IL1RAPL1: variants seen among roughly 807,000 people sequenced by gnomAD.
IL1RAPL1 encodes the protein interleukin-1 receptor accessory protein-like 1.
In IL1RAPL1, 3 loss-of-function variants were observed where a neutral mutation model predicts 48.4. The observed-to-expected ratio is 0.06, with a 90% confidence interval of 0.03 to 0.16. The LOEUF (loss-of-function observed/expected upper bound fraction) is 0.16, where lower values mean the gene tolerates loss of function less well. Among genes scored for constraint, IL1RAPL1 ranks in the 10% least tolerant of loss-of-function variants. IL1RAPL1 has a pLI of 1.00. For missense variants in IL1RAPL1, 349 were observed against 530.6 expected (o/e 0.66, Z 3.36); for synonymous variants, 185 against 187.7 (o/e 0.99, Z 0.12).
intron 2 of IL1RAPL1, among the ~76,000 whole-genome samples, chrX:28,994,005 T>C (rs747968874): frequency 7.3e-4 from 81 of 111,181 alleles, no homozygotes; most frequent in African/African-American, 2.6e-3. Context: ...ACTGAACAAA[T>C]AGGCTGAAAT....
chrX:29,615,262 C>A (rs777183702), intron 5 of IL1RAPL1, among the ~76,000 whole-genome samples: 18 of 112,001 alleles, frequency 1.6e-4, no homozygotes, highest in African/African-American at 5.8e-4. Context: ...TGTAGTGTGG[C>A]CTGGCCTAAT....
intron 6 of IL1RAPL1, among the ~76,000 whole-genome samples, chrX:29,895,297 T>C (rs1215658371): frequency 9.0e-6 from 1 of 110,620 alleles, no homozygotes. Context: ...ATGCCTGTAA[T>C]CCCAACACTT....
chrX:28,642,477 T>A (rs1186827001), intron 1 of IL1RAPL1, among the ~76,000 whole-genome samples: 1 of 111,894 alleles, frequency 8.9e-6, no homozygotes, highest in East Asian at 2.8e-4. Context: ...CACAGTGCAA[T>A]CAAATTAGAA....
At chrX:28,654,700 A>G (rs766562783) in intron 1 of IL1RAPL1, among the ~76,000 whole-genome samples, 43 of 112,087 alleles carry the variant, frequency 3.8e-4, no homozygotes, top group Middle Eastern at 4.7e-3. Flanking sequence ...TTGTTCAGCA[A>G]CTACTATGTG....
chrX:28,866,732 A>G (rs1922086095), intron 2 of IL1RAPL1, among the ~76,000 whole-genome samples: 1 of 111,482 alleles, frequency 9.0e-6, no homozygotes, highest in Admixed American at 9.6e-5. Context: ...ATGGACAGAA[A>G]AATAAACACA....
At chrX:28,790,125 G>A (rs1936519251) in intron 2 of IL1RAPL1, among the ~76,000 whole-genome samples, 1 of 112,013 alleles carries the variant, frequency 8.9e-6, no homozygotes, top group African/African-American at 3.2e-5. Flanking sequence ...ATAATATAAA[G>A]CCTTGCCATG....
intron 9 of IL1RAPL1, among the ~76,000 whole-genome samples, chrX:29,942,386 CAAAT>C (rs199675946): frequency 0.036 from 4,026 of 111,537 alleles, 62 homozygotes; most frequent in Non-Finnish European, 0.052. Flanking sequence ...TGTACGTAGA[CAAAT>C]AAATATTGTT....
intron 2 of IL1RAPL1, among the ~76,000 whole-genome samples, chrX:28,795,688 AACTTATT>A (rs1429473380): frequency 3.8e-4 from 42 of 110,828 alleles, no homozygotes; most frequent in African/African-American, 1.3e-3. Context: ...CTTGTATTCC[AACTTATT>A]ACTTATTATT....
chrX:29,319,856 CATTTT>C (rs1403025559), intron 3 of IL1RAPL1, among the ~76,000 whole-genome samples: 1 of 111,202 alleles, frequency 9.0e-6, no homozygotes, highest in African/African-American at 3.3e-5. Flanking sequence ...AAGTTTATGA[CATTTT>C]AATTTAATTT....
At chrX:29,228,046 G>T (rs1374318138) in intron 2 of IL1RAPL1, among the ~76,000 whole-genome samples, 4 of 108,556 alleles carry the variant, frequency 3.7e-5, no homozygotes, top group Admixed American at 2.0e-4. Context: ...AAATTTACAG[G>T]TAATGAACAC....
At chrX:28,852,820 G>A (rs1921698205) in intron 2 of IL1RAPL1, among the ~76,000 whole-genome samples, 3 of 110,788 alleles carry the variant, frequency 2.7e-5, no homozygotes, top group Admixed American at 9.6e-5. Flanking sequence ...CTGAATGCTC[G>A]CCTTCAGATA....
intron 5 of IL1RAPL1, among the ~76,000 whole-genome samples, chrX:29,568,164 A>G (rs6628452): frequency 0.3 from 23,531 of 79,638 alleles, 3,861 homozygotes; most frequent in South Asian, 0.47. Context: ...AAGATCAAGA[A>G]TAACAGATTA....
At chrX:28,891,894 T>C (rs1438268639) in intron 2 of IL1RAPL1, among the ~76,000 whole-genome samples, 2 of 111,740 alleles carry the variant, frequency 1.8e-5, no homozygotes, top group Non-Finnish European at 3.8e-5. Context: ...TATTGGTCTT[T>C]TTCATTATGG....
At chrX:29,252,083 G>A (rs1375662985) in intron 2 of IL1RAPL1, among the ~76,000 whole-genome samples, 2 of 109,160 alleles carry the variant, frequency 1.8e-5, no homozygotes, top group Non-Finnish European at 3.8e-5. Flanking sequence ...CGTGGACACA[G>A]GAAGGGGAAC....
chrX:28,711,534 G>A (rs909628362), intron 1 of IL1RAPL1, among the ~76,000 whole-genome samples: 2 of 109,825 alleles, frequency 1.8e-5, no homozygotes, highest in Non-Finnish European at 3.8e-5. Flanking sequence ...ACTGGATGAG[G>A]TCATTAAGGG....
At chrX:29,241,287 A>G (rs1931418115) in intron 2 of IL1RAPL1, among the ~76,000 whole-genome samples, 1 of 112,052 alleles carries the variant, frequency 8.9e-6, no homozygotes, top group Non-Finnish European at 1.9e-5. Context: ...CAAAGGCACC[A>G]TGATACAGTG....
At chrX:29,279,648 A>G (rs1319930506) in intron 2 of IL1RAPL1, among the ~76,000 whole-genome samples, 2 of 111,564 alleles carry the variant, frequency 1.8e-5, no homozygotes, top group African/African-American at 6.5e-5. Flanking sequence ...AATGTCGTCC[A>G]AAGTGCCATT....
intron 5 of IL1RAPL1, among the ~76,000 whole-genome samples, chrX:29,626,395 T>A (rs756585015): frequency 8.9e-6 from 1 of 111,952 alleles, no homozygotes; most frequent in African/African-American, 3.2e-5. Flanking sequence ...TTTTGAGTGG[T>A]TACAGTGGAA....
chrX:29,323,715 A>T (rs1242668991), intron 3 of IL1RAPL1, among the ~76,000 whole-genome samples: 197 of 3,584 alleles, frequency 0.055, 1 homozygote, highest in African/African-American at 0.091. Context: ...TGAATTTTTT[A>T]TATATATATA....
Sources: allele counts gnomAD v4.1 joint callset (sites outside exome capture counted in the v4.1 genomes callset), GRCh38; gene constraint gnomAD v4.1.1; transcripts MANE v1.5; gene names NCBI Gene and HGNC (gene_info 2026-07-23, HGNC 2026-07-21).